The following NDE1 variants were observed in gnomAD, a reference collection of about 807,000 sequenced individuals.
NDE1 encodes the protein nudE neurodevelopment protein 1, also known as nuclear distribution protein nudE homolog 1.
A neutral mutation model predicts 43.4 loss-of-function variants in NDE1; 28 were observed. The ratio of observed to expected loss-of-function variants is 0.65; its 90% CI spans 0.48 to 0.89. The LOEUF is 0.89. Among genes scored for constraint, NDE1 ranks in the 40% least tolerant of loss-of-function variants. The pLI, the probability that NDE1 is intolerant of heterozygous loss-of-function variation, is 0.00. For synonymous variants in NDE1, 184 were observed against 172.0 expected (o/e 1.07, Z -0.55); for missense variants, 441 against 434.1 (o/e 1.02, Z -0.14).
chr16:15,691,429 C>G (rs2038748761), intron 6 of NDE1, 106 bp downstream of exon 6: 1 of 1,301,288 alleles, frequency 7.7e-7, no homozygotes, highest in Non-Finnish European at 1.1e-6. Flanking sequence ...GGCTCAGAGC[C>G]TGATTTGCTC....
intron 1 of NDE1, among the ~76,000 whole-genome samples, chr16:15,659,900 C>T (rs1381508394): frequency 3.3e-5 from 5 of 151,832 alleles, no homozygotes; most frequent in African/African-American, 1.2e-4. Context: ...AGGTACCTGC[C>T]ACTGCGCCCG....
chr16:15,688,470 A>G (rs1216642082), intron 5 of NDE1, among the ~76,000 whole-genome samples: 1 of 151,552 alleles, frequency 6.6e-6, no homozygotes, highest in African/African-American at 2.4e-5. Context: ...CCCCATCTCT[A>G]CTAAAAATAG....
At chr16:15,679,360 A>G (rs2038057424) in intron 4 of NDE1, among the ~76,000 whole-genome samples, 2 of 152,052 alleles carry the variant, frequency 1.3e-5, no homozygotes, top group African/African-American at 4.8e-5. Flanking sequence ...CCATCTATAC[A>G]CATAACCTTT....
At position 15,694,164 on chromosome 16, in the gene NDE1, G is replaced by A. The variant is rs398123577; in HGVS notation, c.704-1G>A. 6.2e-7 allele frequency: 1 copy of A among 1,612,434 alleles called. No individual in the cohort carries two copies. The highest frequency in any genetic ancestry group is 1.7e-5 in the Admixed American group (1 of 60,004). Reference sequence around the variant, plus strand: ...ACATGCTCTTCCCTTTGCACACCCAGGCCTGGACGACTCCACCGGGGGGAC... The same window carrying A: ...ACATGCTCTTCCCTTTGCACACCCAAGCCTGGACGACTCCACCGGGGGGAC... On this transcript the variant is annotated splice_acceptor_variant, in intron 6 of 8. Transcript: ENST00000396354. LOFTEE classifies it high-confidence loss of function.
At chr16:15,644,493 G>A (rs923690314) in intron 1 of NDE1, among the ~76,000 whole-genome samples, 2 of 152,220 alleles carry the variant, frequency 1.3e-5, no homozygotes, top group Non-Finnish European at 2.9e-5. Context: ...AATCTTGACT[G>A]TGGGCTGGGC....
At chr16:15,709,096 C>A (rs371432873) in intron 8 of NDE1, among the ~76,000 whole-genome samples, 1 of 151,294 alleles carries the variant, frequency 6.6e-6, no homozygotes, top group Admixed American at 6.6e-5. Context: ...GCAGGCCCCA[C>A]GTGCTTGGCT....
chr16:15,711,587 G>A (rs1455920838), intron 8 of NDE1, among the ~76,000 whole-genome samples: 2 of 152,178 alleles, frequency 1.3e-5, no homozygotes, highest in African/African-American at 2.4e-5. Flanking sequence ...TGGTATTAAA[G>A]GTAGTAAGAG....
At chr16:15,694,451 T>C in intron 7 of NDE1, 195 bp downstream of exon 7, 1 of 1,388,722 alleles carries the variant, frequency 7.2e-7, no homozygotes, top group Non-Finnish European at 9.8e-7. Context: ...GTTCAAGCGA[T>C]CCTCTCACCT....
At position 15,724,227 on chromosome 16, in the gene NDE1, A is replaced by G. The variant is rs2040630480; in HGVS notation, c.984A>G (p.Thr328=). 3.7e-6 allele frequency: 6 copies of G among 1,614,038 alleles called. No individual in the cohort carries two copies. The highest frequency in any genetic ancestry group is 5.1e-6 in the Non-Finnish European group (6 of 1,180,042). Residue 328 remains threonine, a synonymous_variant, in exon 9 of 9, where the codon ACA becomes ACG. Coordinates refer to ENST00000396354, the MANE Select transcript of NDE1 (RefSeq NM_017668.3). The part of the protein sequence containing the change: ...DTSCRWLSKS[T]TRSSSSC ...GTTGCCGCTGGTTGTCCAAATCAACAACCAGGTCGTCCAGCTCCTGCTGAA... is the reference window on the plus strand; with the variant it reads ...GTTGCCGCTGGTTGTCCAAATCAACGACCAGGTCGTCCAGCTCCTGCTGAA...
At chr16:15,645,786 T>G (rs976852471), upstream of NDE1, among the ~76,000 whole-genome samples, 3 of 152,338 alleles carry the variant, frequency 2.0e-5, no homozygotes, top group Middle Eastern at 3.4e-3. Context: ...AAAGACTTTT[T>G]TGTGTGCTAT....
At chr16:15,683,607 A>G (rs1268575814) in intron 4 of NDE1, among the ~76,000 whole-genome samples, 2 of 152,228 alleles carry the variant, frequency 1.3e-5, no homozygotes, top group South Asian at 2.1e-4. Context: ...CAGCCTCCCA[A>G]AGTGCTGGGA....
At chr16:15,720,342 C>G (rs2040401218) in intron 8 of NDE1, 2 of 1,606,584 alleles carry the variant, frequency 1.2e-6, no homozygotes, top group Non-Finnish European at 1.7e-6. Flanking sequence ...GTGTGCTGCC[C>G]CACTTGCCCC....
At position 15,717,470 on chromosome 16, in the gene NDE1, CCT is replaced by C. The variant is rs1412075443; in HGVS notation, c.948-6717_948-6716del. On this transcript the variant is annotated intron_variant, in intron 8 of 8. Transcript: ENST00000396354. The stretch of plus-strand genomic sequence containing the variant: ...AGTCCCTTGATCCCGGGCACCCTGT[CCT>C]CTCCTTCATCCTGTAAAACTCCACT... 3 of 980,636 alleles carry C rather than the reference CCT, an allele frequency of 3.1e-6. No homozygotes were observed. In the African/African-American group the frequency reaches 4.8e-5, roughly 16 times the overall value. The allele number at this position is 980,636 out of a possible 1,614,324, so 60.7% of individuals were successfully genotyped here.
chr16:15,707,548 C>T (rs2039521920), intron 8 of NDE1, among the ~76,000 whole-genome samples: 1 of 152,296 alleles, frequency 6.6e-6, no homozygotes, highest in East Asian at 1.9e-4. Context: ...ACAAAACTGG[C>T]TCTTAACAAG....
chr16:15,704,986 T>A (rs2039371328), intron 8 of NDE1, among the ~76,000 whole-genome samples: 1 of 151,998 alleles, frequency 6.6e-6, no homozygotes, highest in Non-Finnish European at 1.5e-5. Flanking sequence ...GCCTTCAAGG[T>A]GGATTTAAAA....
intron 8 of NDE1, chr16:15,720,761 A>T: frequency 2.0e-6 from 3 of 1,473,260 alleles, no homozygotes; most frequent in Non-Finnish European, 2.8e-6. Context: ...CGAAGTTTCC[A>T]CACCAACCAT....
At chr16:15,672,958 A>G (rs934128160) in intron 3 of NDE1, among the ~76,000 whole-genome samples, 4 of 152,100 alleles carry the variant, frequency 2.6e-5, no homozygotes, top group African/African-American at 7.2e-5. Context: ...CGCCCTCCTC[A>G]TCCTTCCAAC....
chr16:15,679,291 C>G (rs534919296), intron 4 of NDE1, among the ~76,000 whole-genome samples: 2 of 152,232 alleles, frequency 1.3e-5, no homozygotes, highest in South Asian at 4.1e-4. Context: ...CCACTGCACC[C>G]GGCCTCCTCA....
At chr16:15,673,097 CTTGA>C (rs2037684023) in intron 3 of NDE1, among the ~76,000 whole-genome samples, 1 of 152,198 alleles carries the variant, frequency 6.6e-6, no homozygotes, top group Admixed American at 6.5e-5. Context: ...GCTTTGTTTA[CTTGA>C]TTGAGTAAAG....
Sources: gnomAD v4.1 joint callset for allele counts (sites outside exome capture counted in the v4.1 genomes callset) on GRCh38, gnomAD v4.1.1 for gene constraint, MANE v1.5 for transcripts, NCBI Gene and HGNC (gene_info 2026-07-23, HGNC 2026-07-21) for gene names.